The following SAMMSON variants were observed in gnomAD, a reference collection of about 807,000 sequenced individuals.
The protein encoded by SAMMSON is long intergenic non-protein coding RNA 1212.
chr3:70,004,614 C>T (rs1281321743), intron 1 of SAMMSON, among the ~76,000 whole-genome samples: 2 of 152,122 alleles, frequency 1.3e-5, no homozygotes, highest in Non-Finnish European at 2.9e-5. Flanking sequence ...AATACCTAAA[C>T]CAGCTTACAA....
intron 9 of SAMMSON, among the ~76,000 whole-genome samples, chr3:70,366,067 T>C (rs1447354307): frequency 3.5e-5 from 1 of 28,220 alleles, no homozygotes; most frequent in Non-Finnish European, 7.8e-5. Flanking sequence ...CTCGGCTCAC[T>C]GCAAGCTCCG....
At chr3:70,161,796 C>T (rs1389427165) in intron 4 of SAMMSON, among the ~76,000 whole-genome samples, 1 of 151,628 alleles carries the variant, frequency 6.6e-6, no homozygotes, top group Non-Finnish European at 1.5e-5. Context: ...CCATCTTGAC[C>T]CAGGCTCTTC....
At chr3:70,400,137 TA>T (rs1440648547) in intron 2 of SAMMSON, among the ~76,000 whole-genome samples, 1 of 152,158 alleles carries the variant, frequency 6.6e-6, no homozygotes, top group Non-Finnish European at 1.5e-5. Flanking sequence ...AATTTTCTGT[TA>T]AAATACATGT....
intron 4 of SAMMSON, among the ~76,000 whole-genome samples, chr3:70,075,562 G>A (rs2067245461): frequency 6.6e-6 from 1 of 152,108 alleles, no homozygotes; most frequent in Non-Finnish European, 1.5e-5. Context: ...AAATTGCTCA[G>A]CTTGGCACAA....
intron 4 of SAMMSON, among the ~76,000 whole-genome samples, chr3:70,156,777 G>T (rs2067593852): frequency 6.6e-6 from 1 of 152,006 alleles, no homozygotes; most frequent in Non-Finnish European, 1.5e-5. Context: ...GAAAGAAGGG[G>T]AAATATTCTT....
chr3:70,093,889 G>A (rs1474875651), intron 4 of SAMMSON, among the ~76,000 whole-genome samples: 1 of 152,148 alleles, frequency 6.6e-6, no homozygotes, highest in Non-Finnish European at 1.5e-5. Context: ...TTAAATGGGT[G>A]ATTGAAGTCC....
At chr3:70,008,221 C>A (rs369530324) in intron 1 of SAMMSON, among the ~76,000 whole-genome samples, 1 of 152,126 alleles carries the variant, frequency 6.6e-6, no homozygotes, top group African/African-American at 2.4e-5. Context: ...CATTGAATCT[C>A]TAAATTACCT....
intron 4 of SAMMSON, among the ~76,000 whole-genome samples, chr3:70,113,810 C>T (rs1490285723): frequency 1.3e-5 from 2 of 152,110 alleles, no homozygotes; most frequent in African/African-American, 4.8e-5. Flanking sequence ...GTGGGACCCC[C>T]ATGATGGGAT....
At chr3:70,017,956 C>G (rs1392767058) in intron 3 of SAMMSON, among the ~76,000 whole-genome samples, 11 of 152,096 alleles carry the variant, frequency 7.2e-5, no homozygotes, top group East Asian at 5.8e-4. Context: ...GGTGGATAAG[C>G]TTTTTGATGT....
intron 7 of SAMMSON, among the ~76,000 whole-genome samples, chr3:70,327,530 G>A (rs1702588474): frequency 6.6e-6 from 1 of 152,126 alleles, no homozygotes; most frequent in Non-Finnish European, 1.5e-5. Context: ...CTGAAGAGAA[G>A]GCTGCAAGGA....
chr3:70,143,045 C>T (rs1207049054), intron 4 of SAMMSON, among the ~76,000 whole-genome samples: 1 of 152,156 alleles, frequency 6.6e-6, no homozygotes, highest in Non-Finnish European at 1.5e-5. Flanking sequence ...GCCTCAAGCA[C>T]TTTAAATCAT....
intron 3 of SAMMSON, among the ~76,000 whole-genome samples, chr3:70,015,906 T>C (rs2066982947): frequency 1.3e-5 from 2 of 152,308 alleles, no homozygotes; most frequent in Admixed American, 1.3e-4. Context: ...TCGTTTTTTA[T>C]GGCTGCGTAG....
At chr3:70,318,623 T>A (rs1559562724) in intron 7 of SAMMSON, among the ~76,000 whole-genome samples, 2 of 152,018 alleles carry the variant, frequency 1.3e-5, no homozygotes, top group South Asian at 4.1e-4. Flanking sequence ...CTGGGTCTTC[T>A]ATTGACTGCT....
chr3:70,153,606 T>A (rs1483776952), intron 4 of SAMMSON, among the ~76,000 whole-genome samples: 2 of 152,006 alleles, frequency 1.3e-5, no homozygotes, highest in Non-Finnish European at 2.9e-5. Flanking sequence ...AATCTTGTAA[T>A]CAGGGAAAAC....
chr3:70,016,475 TC>T (rs1352498221), intron 3 of SAMMSON, among the ~76,000 whole-genome samples: 1 of 152,170 alleles, frequency 6.6e-6, no homozygotes, highest in Non-Finnish European at 1.5e-5. Context: ...CATTGTAGAT[TC>T]TGGATATTAG....
chr3:70,298,003 A>G (rs1483940373), intron 7 of SAMMSON, among the ~76,000 whole-genome samples: 2 of 152,116 alleles, frequency 1.3e-5, no homozygotes, highest in Admixed American at 1.3e-4. Flanking sequence ...TAAAAATTCT[A>G]AATATAACAA....
chr3:70,403,429 G>C (rs969706352), intron 2 of SAMMSON, among the ~76,000 whole-genome samples: 2 of 152,298 alleles, frequency 1.3e-5, no homozygotes, highest in Middle Eastern at 3.4e-3. Flanking sequence ...AGTCTTAGTG[G>C]TTCAAAACTG....
chr3:70,079,531 T>C (rs1418283329), intron 4 of SAMMSON, among the ~76,000 whole-genome samples: 1 of 152,158 alleles, frequency 6.6e-6, no homozygotes, highest in East Asian at 1.9e-4. Flanking sequence ...CTGTTCTGTT[T>C]TTTCCTTGCA....
intron 3 of SAMMSON, among the ~76,000 whole-genome samples, chr3:70,033,691 A>C (rs2067074346): frequency 6.6e-6 from 1 of 152,126 alleles, no homozygotes; most frequent in Non-Finnish European, 1.5e-5. Flanking sequence ...GTGAGAGAGG[A>C]TGAACTAGGG....
Sources: gnomAD v4.1 joint callset for allele counts (sites outside exome capture counted in the v4.1 genomes callset) on GRCh38, gnomAD v4.1.1 for gene constraint, MANE v1.5 for transcripts, NCBI Gene and HGNC (gene_info 2026-07-23, HGNC 2026-07-21) for gene names.